AGMO: variants seen among roughly 807,000 people sequenced by gnomAD.
AGMO encodes glyceryl-ether monooxygenase.
In AGMO, 75 loss-of-function variants were observed where a neutral mutation model predicts 60.2. That is an observed-to-expected ratio of 1.25 (90% CI 1.03 to 1.51). AGMO has a LOEUF of 1.51. Ranked by LOEUF, AGMO falls within the 40% of genes most tolerant of loss-of-function variation. The probability of loss-of-function intolerance (pLI) is 0.00; values close to 1 mark genes in which losing one functional copy is unlikely to be tolerated. For synonymous variants in AGMO, 261 were observed against 177.1 expected (o/e 1.47, Z -3.76); for missense variants, 763 against 525.5 (o/e 1.45, Z -4.42).
chr7:15,465,654 C>T (rs952623632), intron 3 of AGMO, among the ~76,000 whole-genome samples: 9 of 149,906 alleles, frequency 6.0e-5, no homozygotes, highest in African/African-American at 2.2e-4. Context: ...CTATATTGCC[C>T]AGGCTGCTCC....
intron 3 of AGMO, among the ~76,000 whole-genome samples, chr7:15,462,427 T>A (rs1005897520): frequency 1.4e-4 from 21 of 152,270 alleles, no homozygotes; most frequent in African/African-American, 2.9e-4. Context: ...TGCCAGAGAC[T>A]TTTTTCCCTG....
At chr7:15,138,175 G>A in the AGMO span, among the ~76,000 whole-genome samples, 1 of 151,986 alleles carries the variant, frequency 6.6e-6, no homozygotes, top group Non-Finnish European at 1.5e-5. Flanking sequence ...ATCTATTATT[G>A]GTACCTTTAG....
intron 6 of AGMO, among the ~76,000 whole-genome samples, chr7:15,391,967 A>G (rs1784157572): frequency 6.6e-6 from 1 of 152,244 alleles, no homozygotes; most frequent in African/African-American, 2.4e-5. Flanking sequence ...AAACCCTGAT[A>G]TAAGCAGGCG....
intron 12 of AGMO, among the ~76,000 whole-genome samples, chr7:15,203,768 A>T (rs1318432033): frequency 6.6e-6 from 1 of 152,146 alleles, no homozygotes. Context: ...GGAATCACAA[A>T]ACTACTAAAT....
intron 12 of AGMO, among the ~76,000 whole-genome samples, chr7:15,322,566 A>ATG (rs1491362763): frequency 1.1e-3 from 47 of 41,542 alleles, no homozygotes; most frequent in African/African-American, 6.6e-3. Flanking sequence ...AAATATATAA[A>ATG]TATATATAAA....
intron 3 of AGMO, among the ~76,000 whole-genome samples, chr7:15,458,332 G>T (rs1782050434): frequency 6.6e-6 from 1 of 152,114 alleles, no homozygotes; most frequent in Admixed American, 6.6e-5. Flanking sequence ...AAACAATATT[G>T]TAATTTCAAA....
At chr7:15,416,226 G>A (rs1288499604) in intron 5 of AGMO, among the ~76,000 whole-genome samples, 1 of 151,700 alleles carries the variant, frequency 6.6e-6, no homozygotes, top group Non-Finnish European at 1.5e-5. Flanking sequence ...TAGAAATGAG[G>A]TTTCACCATG....
At chr7:15,531,912 G>A (rs1208743247) in intron 3 of AGMO, among the ~76,000 whole-genome samples, 2 of 151,762 alleles carry the variant, frequency 1.3e-5, no homozygotes, top group Non-Finnish European at 2.9e-5. Flanking sequence ...CAAGTGATCT[G>A]CCTGCCTTGG....
Position 15,370,783 on chromosome 7 carries a change from A to G in AGMO, c.1075-4561T>C, listed in dbSNP as rs114494263. Among the ~76,000 whole-genome samples the G allele has an allele frequency of 4.6e-3, 701 of 152,088 alleles. 2 individuals carry two copies. The highest frequency in any genetic ancestry group is 0.016 in the African/African-American group (658 of 41,476). On this transcript the variant is annotated intron_variant, in intron 10 of 12. Coordinates refer to ENST00000342526, the MANE Select transcript of AGMO (RefSeq NM_001004320.2). ...TGGTTAAGTTCCTTATAGATTTTGC[A>G]TATTAGTCCTTTGTCAGATGGGTAG...
the AGMO span, among the ~76,000 whole-genome samples, chr7:15,177,938 G>T: frequency 2.0e-5 from 3 of 151,904 alleles, no homozygotes; most frequent in African/African-American, 7.3e-5. Flanking sequence ...AAAAATGTTT[G>T]GGACACAAAT....
intron 3 of AGMO, among the ~76,000 whole-genome samples, chr7:15,504,529 C>T (rs1355269680): frequency 1.3e-5 from 2 of 152,006 alleles, no homozygotes; most frequent in African/African-American, 4.8e-5. Context: ...ATTTTAAGTG[C>T]TTTTCCTACT....
chr7:15,415,376 C>G (rs973324164), intron 5 of AGMO, among the ~76,000 whole-genome samples: 2 of 151,886 alleles, frequency 1.3e-5, no homozygotes, highest in African/African-American at 2.4e-5. Context: ...AACCCCATCT[C>G]TACTAAAAAT....
chr7:15,318,314 A>C (rs548586422), intron 12 of AGMO, among the ~76,000 whole-genome samples: 1 of 152,166 alleles, frequency 6.6e-6, no homozygotes, highest in South Asian at 2.1e-4. Context: ...TACATGTTTA[A>C]AAGATTATGA....
At chr7:15,200,259 CCCT>C (rs1302624953), downstream of AGMO, 6 of 152,000 alleles carry the variant, frequency 3.9e-5, no homozygotes, top group African/African-American at 1.4e-4. Flanking sequence ...CCTGTCAGTT[CCCT>C]CCTAACGAAA....
chr7:15,145,212 T>C, the AGMO span, among the ~76,000 whole-genome samples: 9 of 152,302 alleles, frequency 5.9e-5, no homozygotes, highest in East Asian at 1.5e-3. Context: ...GGTAAAATAG[T>C]AAATAAATGT....
intron 12 of AGMO, among the ~76,000 whole-genome samples, chr7:15,328,632 G>A (rs1781416570): frequency 6.6e-6 from 1 of 152,148 alleles, no homozygotes; most frequent in African/African-American, 2.4e-5. Flanking sequence ...AAGGGTTTCA[G>A]AGGACAGAGG....
chr7:15,281,076 G>A (rs944705289), intron 12 of AGMO, among the ~76,000 whole-genome samples: 2 of 152,072 alleles, frequency 1.3e-5, no homozygotes, highest in Admixed American at 6.5e-5. Flanking sequence ...CTAGGGGAAG[G>A]GGGAATGCAA....
At chr7:15,213,098 C>A (rs143239472) in intron 12 of AGMO, among the ~76,000 whole-genome samples, 56 of 151,918 alleles carry the variant, frequency 3.7e-4, no homozygotes, top group African/African-American at 1.3e-3. Context: ...ATATGACACA[C>A]ATAAAAATAG....
At chr7:15,217,476 A>G (rs1781775611) in intron 12 of AGMO, among the ~76,000 whole-genome samples, 1 of 152,140 alleles carries the variant, frequency 6.6e-6, no homozygotes, top group Non-Finnish European at 1.5e-5. Flanking sequence ...ATAAAAAGTA[A>G]TGAAGAAGCA....
Sources: gnomAD v4.1 joint callset for allele counts (sites outside exome capture counted in the v4.1 genomes callset) on GRCh38, gnomAD v4.1.1 for gene constraint, MANE v1.5 for transcripts, NCBI Gene and HGNC (gene_info 2026-07-23, HGNC 2026-07-21) for gene names.